The following TANGO2 variants were observed in gnomAD, a reference collection of about 807,000 sequenced individuals.
TANGO2 encodes transport and Golgi organization protein 2 homolog.
Under a neutral mutation model 39.1 loss-of-function variants are expected in TANGO2, and 26 were observed. The ratio of observed to expected loss-of-function variants is 0.67; its 90% CI spans 0.49 to 0.92. The LOEUF is 0.92. Among genes scored for constraint, TANGO2 ranks in the 40% least tolerant of loss-of-function variants. The pLI is 0.00. For missense variants in TANGO2, 326 were observed against 360.1 expected (o/e 0.91, Z 0.77); for synonymous variants, 131 against 144.5 (o/e 0.91, Z 0.67).
At chr22:20,048,641 C>T (rs892246932) in intron 3 of TANGO2, among the ~76,000 whole-genome samples, 1 of 151,358 alleles carries the variant, frequency 6.6e-6, no homozygotes. Context: ...TTATGGTGAG[C>T]AGAATTTTTT....
chr22:20,022,753 A>T (rs1415646777), intron 1 of TANGO2, among the ~76,000 whole-genome samples: 1 of 152,254 alleles, frequency 6.6e-6, no homozygotes, highest in Non-Finnish European at 1.5e-5. Context: ...GCTGCTTCTG[A>T]AAACACCCAC....
At chr22:20,060,298 G>A (rs1019004956) in intron 6 of TANGO2, among the ~76,000 whole-genome samples, 6 of 143,592 alleles carry the variant, frequency 4.2e-5, no homozygotes, top group South Asian at 2.2e-4. Context: ...GCAGTGAGCC[G>A]AGATTGCGCC....
At chr22:20,038,706 G>A (rs139187325) in intron 2 of TANGO2, among the ~76,000 whole-genome samples, 381 of 152,260 alleles carry the variant, frequency 2.5e-3, no homozygotes, top group Middle Eastern at 0.017. Flanking sequence ...TGACTTCATG[G>A]GAGGGTGTGA....
Position 20,036,643 on chromosome 22 carries a change from C to T in TANGO2, c.-39-117C>T. 4.7e-6 allele frequency: 4 copies of T among 860,070 alleles called. No individual in the cohort carries two copies. The South Asian group carries it at 6.2e-5, about 13-fold the overall frequency. The allele number at this position is 860,070 out of a possible 1,614,324, so 53.3% of individuals were successfully genotyped here. ...GTGTGGTGTCCAGTTCCCCCACACC[C>T]AGCAAGTAGTACAGACACCACAGAG... On this transcript the variant is annotated intron_variant, in intron 1 of 8. Coordinates refer to ENST00000327374, the MANE Select transcript of TANGO2 (RefSeq NM_152906.7).
intron 2 of TANGO2, among the ~76,000 whole-genome samples, chr22:20,039,713 G>A (rs2043544902): frequency 1.3e-5 from 2 of 152,192 alleles, no homozygotes; most frequent in African/African-American, 4.8e-5. Context: ...AGTGGCTGCA[G>A]GACAAGCTGT....
chr22:20,056,088 C>G (rs753865213), intron 6 of TANGO2, 75 bp downstream of exon 6: 1 of 1,193,786 alleles, frequency 8.4e-7, no homozygotes, highest in Non-Finnish European at 1.3e-6. Context: ...TTTTTAGAGA[C>G]CAGGCACTTG....
At chr22:20,056,453 C>T (rs903274718) in intron 6 of TANGO2, 6 of 460,226 alleles carry the variant, frequency 1.3e-5, no homozygotes, top group South Asian at 9.3e-5. Flanking sequence ...GCACCCAGTC[C>T]CCAGTCTGAT....
At chr22:20,031,312 T>C (rs752757552) in intron 1 of TANGO2, among the ~76,000 whole-genome samples, 2 of 152,144 alleles carry the variant, frequency 1.3e-5, no homozygotes, top group Non-Finnish European at 2.9e-5. Context: ...TGAGCTATGA[T>C]CACACGACTG....
At chr22:20,027,622 T>G (rs999883077) in intron 1 of TANGO2, among the ~76,000 whole-genome samples, 2 of 152,040 alleles carry the variant, frequency 1.3e-5, no homozygotes, top group African/African-American at 4.8e-5. Flanking sequence ...CCTTTTTTTT[T>G]TGAGACTCAG....
rs914146516 is a variant in TANGO2 at position 20,061,617 on chromosome 22, G to C, written c.539G>C (p.Arg180Pro). The C allele has an allele frequency of 5.1e-6, 8 of 1,577,582 alleles. No homozygotes were observed. The Admixed American group carries it at 1.3e-4, about 25-fold the overall frequency. Residue 180 changes from arginine to proline, a missense_variant, in exon 7 of 9, where the codon CGG becomes CCG. Transcript: ENST00000327374. ...CAGCTCTTCCTGGAGGCTGTGGAACGGAGCCAGGCGCTGCCCAAGGATGTG... is the reference window on the plus strand; with the variant it reads ...CAGCTCTTCCTGGAGGCTGTGGAACCGAGCCAGGCGCTGCCCAAGGATGTG... ...GKQLFLEAVE[R>P]SQALPKDVLI... is the part of the protein sequence containing the mutation.
chr22:20,030,237 G>A (rs568663170), intron 1 of TANGO2, among the ~76,000 whole-genome samples: 39 of 150,594 alleles, frequency 2.6e-4, no homozygotes, highest in South Asian at 1.1e-3. Context: ...GCACGATCTC[G>A]GTTCACTGCA....
Position 20,056,655 on chromosome 22 carries a change from G to A in TANGO2, c.451+642G>A, listed in dbSNP as rs140136012. 1.9e-3 allele frequency: 869 copies of A among 456,672 alleles called. 9 individuals are homozygous for A. The highest frequency in any genetic ancestry group is 0.016 in the African/African-American group (809 of 50,164). 28.3% of individuals were successfully genotyped at this position (456,672 alleles called of 1,614,324 possible). A position where few individuals can be genotyped will look rare whatever the true frequency, so the allele number is the denominator to read the frequency against. ...CAGTGCCCCAACCTGGAGAGAATGT[G>A]TCACATTGCCCCCCTCTGCAGCCAT... is the stretch of plus-strand genomic sequence containing the variant. On this transcript the variant is annotated intron_variant, in intron 6 of 8. Coordinates refer to ENST00000327374, the MANE Select transcript of TANGO2 (RefSeq NM_152906.7).
chr22:20,056,064 G>A lies in TANGO2; in HGVS notation c.451+51G>A, dbSNP rs767909653. ...GGGTGGGGGACTGTTTCTATGCAGAGGTCACCCTTGTGCTTTTTAGAGACC... is the reference window on the plus strand; with the variant it reads ...GGGTGGGGGACTGTTTCTATGCAGAAGTCACCCTTGTGCTTTTTAGAGACC... On this transcript the variant is annotated intron_variant, in intron 6 of 8. Coordinates refer to ENST00000327374, the MANE Select transcript of TANGO2 (RefSeq NM_152906.7). 1.7e-5 allele frequency: 24 copies of A among 1,450,302 alleles called. No individual in the cohort carries two copies. In the Admixed American group the frequency reaches 3.4e-4, roughly 20 times the overall value. 89.8% of individuals were successfully genotyped at this position (1,450,302 alleles called of 1,614,324 possible).
At chr22:20,050,069 G>A (rs1327669985) in intron 3 of TANGO2, among the ~76,000 whole-genome samples, 1 of 151,976 alleles carries the variant, frequency 6.6e-6, no homozygotes, top group Non-Finnish European at 1.5e-5. Context: ...AAATTAGCTA[G>A]GTGTGGTGGT....
At chr22:20,023,857 CAA>C (rs143316151) in intron 1 of TANGO2, among the ~76,000 whole-genome samples, 9 of 104,334 alleles carry the variant, frequency 8.6e-5, no homozygotes, top group Admixed American at 1.1e-4. Flanking sequence ...AACTCCATCT[CAA>C]AAAAAAAAAA....
intron 3 of TANGO2, among the ~76,000 whole-genome samples, 159 bp downstream of exon 3, chr22:20,043,602 C>T (rs1274596504): frequency 1.3e-5 from 2 of 152,150 alleles, no homozygotes; most frequent in South Asian, 2.1e-4. Flanking sequence ...GCCCCAGCAC[C>T]GGGCATTGCC....
intron 3 of TANGO2, among the ~76,000 whole-genome samples, chr22:20,052,108 C>T (rs530707823): frequency 7.7e-4 from 117 of 152,302 alleles, no homozygotes; most frequent in African/African-American, 2.6e-3. Context: ...GGACAGCCAG[C>T]GTCCCTGCAC....
At chr22:20,017,331 A>G (rs574848661), upstream of TANGO2, 2 of 152,382 alleles carry the variant, frequency 1.3e-5, no homozygotes, top group South Asian at 4.1e-4. Flanking sequence ...ACAGCCTCAG[A>G]GAGGTTCTCA....
At chr22:20,061,439 C>A in intron 6 of TANGO2, 91 bp from the exon 7 acceptor site, 3 of 1,431,790 alleles carry the variant, frequency 2.1e-6, no homozygotes, top group South Asian at 1.4e-5. Context: ...TGGTCCCCAG[C>A]TGTACCCCGT....
Sources: gnomAD v4.1 joint callset for allele counts (sites outside exome capture counted in the v4.1 genomes callset) on GRCh38, gnomAD v4.1.1 for gene constraint, MANE v1.5 for transcripts, NCBI Gene and HGNC (gene_info 2026-07-23, HGNC 2026-07-21) for gene names.